Variants in TIMD4 observed in about 807,000 individuals in gnomAD.
TIMD4 encodes the protein T cell immunoglobulin and mucin domain containing 4, also known as T-cell immunoglobulin and mucin domain-containing protein 4.
A neutral mutation model predicts 41.2 loss-of-function variants in TIMD4; 31 were observed. That is an observed-to-expected ratio of 0.75 (90% CI 0.57 to 1.01). The LOEUF (loss-of-function observed/expected upper bound fraction) is 1.01. Ranked by LOEUF, TIMD4 falls within the 50% of genes least tolerant of loss-of-function variation. The pLI, the probability that TIMD4 is intolerant of heterozygous loss-of-function variation, is 0.00. For missense variants in TIMD4, 479 were observed against 472.5 expected (o/e 1.01, Z -0.13); for synonymous variants, 204 against 177.1 (o/e 1.15, Z -1.21).
chr5:156,953,940 T>C (rs1226894643), intron 2 of TIMD4, among the ~76,000 whole-genome samples: 3 of 152,220 alleles, frequency 2.0e-5, no homozygotes, highest in Admixed American at 6.5e-5. Context: ...AAAAAGCTCC[T>C]GAAAACTGCT....
In TIMD4 at chr5:156,941,862, A is replaced by G. The variant is rs557839370; in HGVS notation, c.844+6554T>C. Among the ~76,000 whole-genome samples, 43 of 152,378 alleles carry G rather than the reference A, an allele frequency of 2.8e-4. 1 individual carries two copies. In the South Asian group the frequency reaches 5.2e-3, roughly 18 times the overall value. On this transcript the variant is annotated intron_variant, in intron 5 of 8. Transcript: ENST00000274532. ...GCCAGAGTTACAAGGTACAGATTTA[A>G]AATTCCATGTGCAACCACATATCCC...
intron 1 of TIMD4, among the ~76,000 whole-genome samples, chr5:156,955,523 G>A (rs988069643): frequency 6.6e-6 from 1 of 152,134 alleles, no homozygotes; most frequent in Non-Finnish European, 1.5e-5. Context: ...GGGCGTGGTG[G>A]CAGGCGCCTA....
intron 5 of TIMD4, among the ~76,000 whole-genome samples, chr5:156,932,764 T>C (rs1581614462): frequency 6.6e-6 from 1 of 152,202 alleles, no homozygotes; most frequent in African/African-American, 2.4e-5. Flanking sequence ...CCCAGCACTT[T>C]GGGAGGCCGA....
At chr5:156,929,302 C>T (rs1759406223) in intron 5 of TIMD4, among the ~76,000 whole-genome samples, 1 of 152,164 alleles carries the variant, frequency 6.6e-6, no homozygotes, top group Non-Finnish European at 1.5e-5. Flanking sequence ...AGGCAGGAGC[C>T]TCCCAGAACT....
At chr5:156,935,242 G>A (rs550544316) in intron 5 of TIMD4, among the ~76,000 whole-genome samples, 4 of 151,726 alleles carry the variant, frequency 2.6e-5, no homozygotes, top group African/African-American at 7.3e-5. Context: ...GTTCATTTGC[G>A]CAAGATTTTA....
At chr5:156,957,512 CAAAA>C (rs3068101) in intron 1 of TIMD4, among the ~76,000 whole-genome samples, 2 of 113,868 alleles carry the variant, frequency 1.8e-5, no homozygotes, top group African/African-American at 7.0e-5. Context: ...GAGTCTATCT[CAAAA>C]AAAAAAAAGA....
chr5:156,963,091 A>C (rs777845096), intron 1 of TIMD4, 50 bp downstream of exon 1: 5 of 1,588,618 alleles, frequency 3.1e-6, no homozygotes, highest in East Asian at 2.2e-5. Context: ...TCCATCACAC[A>C]ATAGCAAGTC....
At chr5:156,942,275 T>G (rs1759663624) in intron 5 of TIMD4, among the ~76,000 whole-genome samples, 1 of 152,202 alleles carries the variant, frequency 6.6e-6, no homozygotes, top group African/African-American at 2.4e-5. Flanking sequence ...TCAAGAAAGC[T>G]CTGTTGAGAA....
At chr5:156,934,760 T>C (rs899587614) in intron 5 of TIMD4, among the ~76,000 whole-genome samples, 8 of 152,042 alleles carry the variant, frequency 5.3e-5, no homozygotes, top group African/African-American at 1.4e-4. Flanking sequence ...AAAAAAAGCA[T>C]ATTATAATCC....
At chr5:156,936,774 A>G (rs28636725) in intron 5 of TIMD4, among the ~76,000 whole-genome samples, 13 of 151,142 alleles carry the variant, frequency 8.6e-5, no homozygotes, top group African/African-American at 3.2e-4. Context: ...AAAAAAAAAG[A>G]AAAAAAAATT....
intron 4 of TIMD4, among the ~76,000 whole-genome samples, chr5:156,949,149 C>T (rs1759803721): frequency 6.6e-6 from 1 of 152,278 alleles, no homozygotes; most frequent in South Asian, 2.1e-4. Flanking sequence ...CCGTCCCAGG[C>T]CCCAGTAACT....
intron 6 of TIMD4, among the ~76,000 whole-genome samples, chr5:156,925,820 T>C (rs1759337195): frequency 6.6e-6 from 1 of 152,250 alleles, no homozygotes; most frequent in Non-Finnish European, 1.5e-5. Context: ...TTCATAATTG[T>C]TGCAATGAAT....
intron 6 of TIMD4, among the ~76,000 whole-genome samples, chr5:156,922,780 AGAGAT>A (rs71285045): frequency 0.29 from 44,160 of 151,984 alleles, 6,782 homozygotes; most frequent in African/African-American, 0.39. Context: ...ATGTGGAAAC[AGAGAT>A]GAGAATCCCT....
intron 5 of TIMD4, among the ~76,000 whole-genome samples, chr5:156,927,160 A>G (rs1759363085): frequency 6.6e-6 from 1 of 152,240 alleles, no homozygotes; most frequent in South Asian, 2.1e-4. Flanking sequence ...TAGTTCATTG[A>G]AAGTTTTATT....
At chr5:156,937,354 T>C (rs989420901) in intron 5 of TIMD4, among the ~76,000 whole-genome samples, 1 of 151,768 alleles carries the variant, frequency 6.6e-6, no homozygotes, top group Non-Finnish European at 1.5e-5. Context: ...TGTACCTTTA[T>C]TTATTGACTT....
rs114013779 is a variant in TIMD4, at chr5:156,945,658, C to T, written c.844+2758G>A. ...TTTTATTTCTATCTGTTTTCATGTA[C>T]CCCTAACAAAAAAGCATGCGTGTAA... On this transcript the variant is annotated intron_variant, in intron 5 of 8. Transcript: ENST00000274532. 3.2e-3 allele frequency among the ~76,000 whole-genome samples: 488 copies of T among 152,114 alleles called. 2 individuals are homozygous for T. The highest frequency in any genetic ancestry group is 5.3e-3 in the Non-Finnish European group (361 of 67,990).
intron 4 of TIMD4, among the ~76,000 whole-genome samples, chr5:156,948,746 G>A (rs1759793300): frequency 6.6e-6 from 1 of 152,166 alleles, no homozygotes; most frequent in South Asian, 2.1e-4. Context: ...AGAGAGATTA[G>A]GTAGCTTAGC....
At chr5:156,939,052 G>A (rs948869293) in intron 5 of TIMD4, among the ~76,000 whole-genome samples, 3 of 152,110 alleles carry the variant, frequency 2.0e-5, no homozygotes, top group Non-Finnish European at 4.4e-5. Flanking sequence ...TGTGGGGAGG[G>A]AGTCTCCCTT....
chr5:156,946,601 C>T (rs1561551133), intron 5 of TIMD4, among the ~76,000 whole-genome samples: 4 of 151,900 alleles, frequency 2.6e-5, no homozygotes, highest in Admixed American at 6.6e-5. Flanking sequence ...CTCAGCCTCT[C>T]GAGTAGCTAG....
Sources: allele counts gnomAD v4.1 joint callset (sites outside exome capture counted in the v4.1 genomes callset), GRCh38; gene constraint gnomAD v4.1.1; transcripts MANE v1.5; gene names NCBI Gene and HGNC (gene_info 2026-07-23, HGNC 2026-07-21).